The following NUP155 variants were observed in gnomAD, a reference collection of about 807,000 sequenced individuals.
NUP155 encodes nucleoporin 155.
Under a neutral mutation model 180.4 loss-of-function variants are expected in NUP155, and 71 were observed. The observed-to-expected ratio is 0.39, with a 90% CI of 0.33 to 0.48. The LOEUF (loss-of-function observed/expected upper bound fraction) is 0.48, where lower values mean the gene tolerates loss of function less well. NUP155 is among the 20% of genes least tolerant of loss of function. The pLI is 0.91. For missense variants in NUP155, 1,553 were observed against 1,648.9 expected, an observed-to-expected ratio of 0.94 and a Z score of 1.01; for synonymous variants, 582 against 559.5, an observed-to-expected ratio of 1.04 and a Z score of -0.57.
At chr5:37,338,736 A>G (rs1251273567) in intron 11 of NUP155, among the ~76,000 whole-genome samples, 3 of 152,134 alleles carry the variant, frequency 2.0e-5, no homozygotes, top group African/African-American at 7.2e-5. Context: ...AACAAGTTAC[A>G]AAATAAAATA....
rs150751044 is a variant in NUP155, at chr5:37,352,819, T to C, written c.474A>G (p.Gln158=). Residue 158 remains glutamine, a synonymous_variant, in exon 5 of 35, where the codon CAA becomes CAG. Coordinates refer to ENST00000231498, the MANE Select transcript of NUP155 (RefSeq NM_153485.3). ...GLVKPKAGIF[Q]PHVRHLLVLA... ...AAACCAGGAGGTGTCGCACATGAGGTTGAAAGATGCCTAAGATAAAGTAGA... is the reference window on the plus strand; with the variant it reads ...AAACCAGGAGGTGTCGCACATGAGGCTGAAAGATGCCTAAGATAAAGTAGA... The C allele has an allele frequency of 9.3e-6, 15 of 1,612,082 alleles. No homozygotes were observed. Among genetic ancestry groups the C allele is most frequent in the African/African-American group, 6.7e-5 (5 of 74,852 alleles).
At chr5:37,346,293 A>T (rs948865939) in intron 9 of NUP155, among the ~76,000 whole-genome samples, 1 of 152,116 alleles carries the variant, frequency 6.6e-6, no homozygotes, top group African/African-American at 2.4e-5. Context: ...AAAAACAAAA[A>T]GTTGATTTAT....
intron 6 of NUP155, 37 bp downstream of exon 6, chr5:37,351,151 CAA>C (rs762318276): frequency 1.3e-6 from 2 of 1,539,764 alleles, no homozygotes. Flanking sequence ...CCTACTCCAT[CAA>C]GAGAGAAAAA....
At chr5:37,296,443 C>T (rs1742576611) in intron 32 of NUP155, among the ~76,000 whole-genome samples, 1 of 151,922 alleles carries the variant, frequency 6.6e-6, no homozygotes, top group Non-Finnish European at 1.5e-5. Context: ...AAGGGCGGTG[C>T]AAGATGTGCT....
At chr5:37,349,061 T>TC (rs1746292145) in intron 8 of NUP155, 111 bp downstream of exon 8, 1 of 320,182 alleles carries the variant, frequency 3.1e-6, no homozygotes, top group African/African-American at 2.2e-5. Flanking sequence ...CAGCAGGCTT[T>TC]TTTTTTTTTT....
chr5:37,350,833 A>G (rs994694094), intron 6 of NUP155, among the ~76,000 whole-genome samples: 1 of 151,992 alleles, frequency 6.6e-6, no homozygotes, highest in Non-Finnish European at 1.5e-5. Context: ...AAAAAAAAAA[A>G]AAAAAAAGCA....
At chr5:37,293,621 C>G (rs1172025956) in intron 33 of NUP155, among the ~76,000 whole-genome samples, 2 of 152,150 alleles carry the variant, frequency 1.3e-5, no homozygotes, top group Non-Finnish European at 2.9e-5. Context: ...TAAGGTTCAG[C>G]AGGGTGAGAA....
intron 32 of NUP155, among the ~76,000 whole-genome samples, chr5:37,295,657 G>GC (rs1278334494): frequency 6.7e-6 from 1 of 149,124 alleles, no homozygotes; most frequent in African/African-American, 2.5e-5. Flanking sequence ...TCTCTGCCCG[G>GC]CCACCCATCA....
chr5:37,313,509 G>C (rs13163879), intron 22 of NUP155, among the ~76,000 whole-genome samples: 37,218 of 150,368 alleles, frequency 0.25, 5,021 homozygotes, highest in Middle Eastern at 0.39. Flanking sequence ...GTGTGTGAGA[G>C]AGACAGAGAG....
chr5:37,350,819 T>TA (rs57132136), intron 6 of NUP155, among the ~76,000 whole-genome samples: 5,232 of 100,314 alleles, frequency 0.052, 372 homozygotes, highest in African/African-American at 0.17. Context: ...CCATCACATT[T>TA]AAAAAAAAAA....
Position 37,291,662 on chromosome 5 carries a change from T to A in NUP155, c.*238A>T. 2.6e-6 allele frequency: 1 copy of A among 382,750 alleles called. No individual in the cohort carries two copies. The highest frequency in any genetic ancestry group is 3.5e-5 in the South Asian group (1 of 28,246). The allele number at this position is 382,750 out of a possible 1,614,324, so 23.7% of individuals were successfully genotyped here. On this transcript the variant is annotated 3_prime_UTR_variant, in exon 35 of 35. Transcript: ENST00000231498. ...AGTTTCTAAATTTTTTTAATCCTTATGTTAAAATAATAAATAATCTCATTT... is the reference window on the plus strand; with the variant it reads ...AGTTTCTAAATTTTTTTAATCCTTAAGTTAAAATAATAAATAATCTCATTT...
intron 9 of NUP155, among the ~76,000 whole-genome samples, chr5:37,346,356 A>T (rs1399959109): frequency 6.6e-6 from 1 of 152,194 alleles, no homozygotes; most frequent in East Asian, 1.9e-4. Flanking sequence ...AAGTTGAAAA[A>T]TTTGAGGCCT....
Position 37,337,923 on chromosome 5 carries a change from A to C in NUP155, c.1247-5T>G. 1 of 1,481,620 alleles carries C rather than the reference A, an allele frequency of 6.7e-7. No homozygotes were observed. Among genetic ancestry groups the C allele is most frequent in the South Asian group, 1.1e-5 (1 of 87,410 alleles). The allele number at this position is 1,481,620 out of a possible 1,614,324, so 91.8% of individuals were successfully genotyped here. ...AGGCTGCCATCAATAGAATACCTAA[A>C]AGTTTAATATACAAAATATTATTAC... On this transcript the variant is annotated splice_region_variant and splice_polypyrimidine_tract_variant and intron_variant, in intron 11 of 34. Transcript: ENST00000231498.
intron 24 of NUP155, among the ~76,000 whole-genome samples, chr5:37,307,954 T>C (rs201302207): frequency 1.2e-5 from 1 of 83,978 alleles, no homozygotes; most frequent in South Asian, 3.7e-4. Flanking sequence ...AAAAAAAAAA[T>C]ATATATATAT....
At chr5:37,321,044 G>GA (rs1194369915) in intron 20 of NUP155, among the ~76,000 whole-genome samples, 1 of 152,106 alleles carries the variant, frequency 6.6e-6, no homozygotes, top group African/African-American at 2.4e-5. Flanking sequence ...AGGATGGGGA[G>GA]AAAAAAATCA....
At chr5:37,363,818 G>T in intron 3 of NUP155, 70 bp downstream of exon 3, 1 of 1,018,070 alleles carries the variant, frequency 9.8e-7, no homozygotes, top group Non-Finnish European at 1.6e-6. Context: ...CTTCTAATGA[G>T]AACACTAGCT....
chr5:37,291,771 A>T lies in NUP155; in HGVS notation c.*129T>A. ...AGCAAAGGTACTATTTGTAGATATT[A>T]GCCACTTATTAAAAACATATTTCTA... On this transcript the variant is annotated 3_prime_UTR_variant, in exon 35 of 35. Coordinates refer to ENST00000231498, the MANE Select transcript of NUP155 (RefSeq NM_153485.3). The T allele has an allele frequency of 1.3e-6, 1 of 799,074 alleles. No individual in the cohort carries two copies. The highest frequency in any genetic ancestry group is 2.0e-6 in the Non-Finnish European group (1 of 487,824). 49.5% of individuals were successfully genotyped at this position (799,074 alleles called of 1,614,324 possible). A position where few individuals can be genotyped will look rare whatever the true frequency, so the allele number is the denominator to read the frequency against.
intron 29 of NUP155, among the ~76,000 whole-genome samples, chr5:37,302,093 C>T (rs865791473): frequency 6.6e-6 from 1 of 152,106 alleles, no homozygotes; most frequent in Non-Finnish European, 1.5e-5. Context: ...TGTATTTGGA[C>T]GATGGTATGT....
chr5:37,330,464 T>C (rs1744883969), intron 14 of NUP155, among the ~76,000 whole-genome samples: 1 of 152,214 alleles, frequency 6.6e-6, no homozygotes, highest in African/African-American at 2.4e-5. Context: ...CTACCATGTG[T>C]CAGGTACTAT....
Sources: gnomAD v4.1 joint callset for allele counts (sites outside exome capture counted in the v4.1 genomes callset) on GRCh38, gnomAD v4.1.1 for gene constraint, MANE v1.5 for transcripts, NCBI Gene and HGNC (gene_info 2026-07-23, HGNC 2026-07-21) for gene names.